DENND1B: variants seen among roughly 807,000 people sequenced by gnomAD.
DENND1B encodes the protein DENN domain-containing protein 1B.
In DENND1B, 59 loss-of-function variants were observed where a neutral mutation model predicts 90.1. That is an observed-to-expected ratio of 0.65 (90% CI 0.53 to 0.81). DENND1B has a LOEUF of 0.81. DENND1B is among the 40% of genes least tolerant of loss of function. DENND1B has a pLI of 0.00. For synonymous variants in DENND1B, 337 were observed against 324.6 expected, an observed-to-expected ratio of 1.04 and a Z score of -0.41; for missense variants, 862 against 912.6, an observed-to-expected ratio of 0.94 and a Z score of 0.71.
intron 10 of DENND1B, among the ~76,000 whole-genome samples, chr1:197,621,979 T>C (rs974251949): frequency 6.6e-6 from 1 of 151,406 alleles, no homozygotes; most frequent in African/African-American, 2.4e-5. Context: ...ATAGAAACAT[T>C]GGTAATACTG....
intron 2 of DENND1B, among the ~76,000 whole-genome samples, chr1:197,756,805 A>G (rs1654365700): frequency 6.6e-6 from 1 of 151,582 alleles, no homozygotes; most frequent in Non-Finnish European, 1.5e-5. Context: ...ATTAGAGTTA[A>G]TCATTATTAA....
intron 7 of DENND1B, among the ~76,000 whole-genome samples, chr1:197,650,226 T>C (rs1218452577): frequency 6.6e-6 from 1 of 152,214 alleles, no homozygotes; most frequent in African/African-American, 2.4e-5. Flanking sequence ...GCCACCATAT[T>C]ATTTAGCAAA....
intron 20 of DENND1B, among the ~76,000 whole-genome samples, chr1:197,516,898 T>C (rs528339589): frequency 6.6e-6 from 1 of 151,906 alleles, no homozygotes; most frequent in African/African-American, 2.4e-5. Flanking sequence ...TTTAACACAA[T>C]TGGGTATAGT....
chr1:197,728,888 T>C (rs1661893790), intron 2 of DENND1B, among the ~76,000 whole-genome samples: 1 of 152,166 alleles, frequency 6.6e-6, no homozygotes, highest in Non-Finnish European at 1.5e-5. Context: ...TGCAAAATTC[T>C]GCACTTCCTA....
At chr1:197,606,164 T>C (rs1676663031) in intron 13 of DENND1B, 1 of 151,296 alleles carries the variant, frequency 6.6e-6, no homozygotes, top group Non-Finnish European at 1.5e-5. Context: ...GTTTGCATTT[T>C]TGTCCTGTAC....
At chr1:197,704,556 C>CAAAAAAAGAAAAAATATATAATCA (rs1381517116) in intron 3 of DENND1B, among the ~76,000 whole-genome samples, 1 of 151,700 alleles carries the variant, frequency 6.6e-6, no homozygotes, top group Non-Finnish European at 1.5e-5. Context: ...TCCACTGTAT[C>CAAAAAAAGAAAAAATATATAATCA]AAAAAAAGAA....
chr1:197,587,494 G>A (rs889840914), intron 14 of DENND1B, among the ~76,000 whole-genome samples: 6 of 152,110 alleles, frequency 3.9e-5, no homozygotes, highest in African/African-American at 7.2e-5. Flanking sequence ...CAGTAGAATC[G>A]GAATAAAGTT....
chr1:197,546,977 G>A (rs1417484985), intron 16 of DENND1B, among the ~76,000 whole-genome samples: 1 of 151,938 alleles, frequency 6.6e-6, no homozygotes, highest in African/African-American at 2.4e-5. Context: ...GATATCAGAA[G>A]GTAAAAAAAG....
At chr1:197,577,884 T>A (rs999416242) in intron 15 of DENND1B, among the ~76,000 whole-genome samples, 5 of 152,194 alleles carry the variant, frequency 3.3e-5, no homozygotes, top group Non-Finnish European at 7.3e-5. Context: ...CTAACTCATG[T>A]TACAATGCAG....
At chr1:197,707,809 T>A (rs866033459) in intron 3 of DENND1B, among the ~76,000 whole-genome samples, 2,575 of 147,464 alleles carry the variant, frequency 0.017, 70 homozygotes, top group African/African-American at 0.059. Context: ...CATTTCCATC[T>A]GAGGTACCGG....
At chr1:197,707,301 G>T (rs1185188910) in intron 3 of DENND1B, among the ~76,000 whole-genome samples, 1 of 152,046 alleles carries the variant, frequency 6.6e-6, no homozygotes, top group Non-Finnish European at 1.5e-5. Flanking sequence ...TTAGTTAATG[G>T]ATCCAAAATG....
At chr1:197,639,179 T>C (rs540834204) in intron 10 of DENND1B, among the ~76,000 whole-genome samples, 62 of 152,122 alleles carry the variant, frequency 4.1e-4, no homozygotes, top group African/African-American at 1.4e-3. Context: ...TTCTCTTGCC[T>C]CAGCCTCCCG....
chr1:197,581,697 T>C (rs1674256445), intron 15 of DENND1B, among the ~76,000 whole-genome samples: 1 of 152,146 alleles, frequency 6.6e-6, no homozygotes, highest in South Asian at 2.1e-4. Flanking sequence ...TGCAAAAAAA[T>C]TACTGTTTTA....
intron 11 of DENND1B, 151 bp from the exon 12 acceptor site, chr1:197,612,127 A>G: frequency 2.0e-6 from 1 of 503,770 alleles, no homozygotes; most frequent in Non-Finnish European, 3.3e-6. Context: ...TTCAATATAT[A>G]AAGCTCAAAT....
At chr1:197,623,093 T>C (rs1431390374) in intron 10 of DENND1B, among the ~76,000 whole-genome samples, 2 of 151,400 alleles carry the variant, frequency 1.3e-5, no homozygotes, top group Non-Finnish European at 3.0e-5. Context: ...CATTCTTTTG[T>C]AGAAATCCTA....
intron 18 of DENND1B, among the ~76,000 whole-genome samples, chr1:197,542,400 T>C (rs1231244995): frequency 6.6e-6 from 1 of 152,184 alleles, no homozygotes; most frequent in Non-Finnish European, 1.5e-5. Flanking sequence ...CAAACACATA[T>C]TCAGTATTTC....
intron 3 of DENND1B, among the ~76,000 whole-genome samples, chr1:197,709,893 G>A (rs1014160001): frequency 7.4e-6 from 1 of 134,994 alleles, no homozygotes; most frequent in African/African-American, 3.0e-5. Context: ...GATCTACCAA[G>A]CCAATGGAAA....
intron 18 of DENND1B, 189 bp downstream of exon 18, chr1:197,545,733 A>G: frequency 2.0e-6 from 1 of 510,576 alleles, no homozygotes; most frequent in Non-Finnish European, 3.4e-6. Context: ...GATTATATAA[A>G]AGAAACTACC....
chr1:197,514,142 A>G (rs1454612873), intron 20 of DENND1B, among the ~76,000 whole-genome samples: 1 of 151,690 alleles, frequency 6.6e-6, no homozygotes, highest in African/African-American at 2.4e-5. Context: ...GACTGGCTAA[A>G]TCCACTATTT....
Sources: allele counts gnomAD v4.1 joint callset (sites outside exome capture counted in the v4.1 genomes callset), GRCh38; gene constraint gnomAD v4.1.1; transcripts MANE v1.5; gene names NCBI Gene and HGNC (gene_info 2026-07-23, HGNC 2026-07-21).